Variants in PCDH9 observed in about 807,000 individuals in gnomAD.
PCDH9 encodes protocadherin 9.
A neutral mutation model predicts 70.6 loss-of-function variants in PCDH9; 24 were observed. That is an observed-to-expected ratio of 0.34 (90% CI 0.25 to 0.48). The LOEUF (loss-of-function observed/expected upper bound fraction) is 0.48. Among genes scored for constraint, PCDH9 ranks in the 20% least tolerant of loss-of-function variants. The pLI is 0.99. For synonymous variants in PCDH9, 562 were observed against 558.5 expected, an observed-to-expected ratio of 1.01 and a Z score of -0.09; for missense variants, 1,281 against 1,503.6, an observed-to-expected ratio of 0.85 and a Z score of 2.45.
intron 4 of PCDH9, among the ~76,000 whole-genome samples, chr13:66,611,152 GGAAATTAAT>G (rs1342572744): frequency 6.6e-6 from 1 of 152,016 alleles, no homozygotes; most frequent in Non-Finnish European, 1.5e-5. Flanking sequence ...CTGAACTTTA[GGAAATTAAT>G]GCTTTAATTC....
At chr13:67,180,403 C>G (rs1481377270) in intron 2 of PCDH9, among the ~76,000 whole-genome samples, 1 of 151,962 alleles carries the variant, frequency 6.6e-6, no homozygotes, top group Non-Finnish European at 1.5e-5. Context: ...ATCTCCAAAT[C>G]TGCCAGTGAA....
At chr13:66,954,954 A>G (rs1367713911) in intron 2 of PCDH9, among the ~76,000 whole-genome samples, 6 of 152,092 alleles carry the variant, frequency 3.9e-5, no homozygotes, top group Non-Finnish European at 7.4e-5. Flanking sequence ...TAGTAGAGAC[A>G]GGGTTTCACT....
chr13:66,674,461 A>T (rs2078216910), intron 3 of PCDH9, among the ~76,000 whole-genome samples: 1 of 152,090 alleles, frequency 6.6e-6, no homozygotes. Flanking sequence ...CAAATAGGAG[A>T]GTTTAAAACT....
rs544186331 is a variant in PCDH9, at chr13:67,108,024, C to G, written c.3036+117381G>C. On this transcript the variant is annotated intron_variant, in intron 2 of 4. Coordinates refer to ENST00000377865, the MANE Select transcript of PCDH9 (RefSeq NM_203487.3). ...CACAGAGCCAGCACCTGTGCCAGCACCTGGAGCTGCCCGTCCTGCCACAGC... is the reference window on the plus strand; with the variant it reads ...CACAGAGCCAGCACCTGTGCCAGCAGCTGGAGCTGCCCGTCCTGCCACAGC... Among the ~76,000 whole-genome samples, 9 of 152,332 alleles carry G rather than the reference C, an allele frequency of 5.9e-5. No individual in the cohort carries two copies. The South Asian group carries it at 1.0e-3, about 18-fold the overall frequency.
chr13:66,472,477 G>A (rs61957635), intron 4 of PCDH9, among the ~76,000 whole-genome samples: 288 of 151,814 alleles, frequency 1.9e-3, no homozygotes, highest in Non-Finnish European at 3.5e-3. Flanking sequence ...GCTGAGGAGG[G>A]AGGATCACTT....
At chr13:67,143,703 GA>G (rs781473887) in intron 2 of PCDH9, among the ~76,000 whole-genome samples, 7 of 152,122 alleles carry the variant, frequency 4.6e-5, no homozygotes, top group Admixed American at 6.6e-5. Context: ...AGAAAGAAAG[GA>G]AGGGAACACT....
chr13:66,878,209 TTA>T (rs1243140394), intron 3 of PCDH9, among the ~76,000 whole-genome samples: 1 of 151,588 alleles, frequency 6.6e-6, no homozygotes, highest in African/African-American at 2.4e-5. Context: ...TTTATTATTA[TTA>T]TTTTATTTTT....
chr13:67,153,557 C>A (rs1479118085), intron 2 of PCDH9, among the ~76,000 whole-genome samples: 1 of 152,158 alleles, frequency 6.6e-6, no homozygotes, highest in Non-Finnish European at 1.5e-5. Flanking sequence ...AGATTATGAG[C>A]CTCTCACCTA....
chr13:67,193,879 T>A (rs1270933376), intron 2 of PCDH9, among the ~76,000 whole-genome samples: 1 of 152,130 alleles, frequency 6.6e-6, no homozygotes, highest in Non-Finnish European at 1.5e-5. Context: ...TCCTGTTAAG[T>A]CAGATTTTAT....
chr13:67,149,122 A>G (rs986760567), intron 2 of PCDH9, among the ~76,000 whole-genome samples: 7 of 152,218 alleles, frequency 4.6e-5, no homozygotes, highest in Admixed American at 6.5e-5. Context: ...CTACATGCCA[A>G]TGATATTGTA....
At chr13:66,527,846 C>G (rs569032396) in intron 4 of PCDH9, among the ~76,000 whole-genome samples, 2 of 152,110 alleles carry the variant, frequency 1.3e-5, no homozygotes, top group Middle Eastern at 3.4e-3. Context: ...GGCAAAATCC[C>G]GTCTCTACTA....
chr13:66,810,318 C>A (rs371752712), intron 3 of PCDH9, among the ~76,000 whole-genome samples: 1 of 151,764 alleles, frequency 6.6e-6, no homozygotes, highest in African/African-American at 2.4e-5. Context: ...TAATAATTGG[C>A]TAATCAAAAG....
At chr13:67,105,127 T>G (rs887088935) in intron 2 of PCDH9, among the ~76,000 whole-genome samples, 3 of 152,144 alleles carry the variant, frequency 2.0e-5, no homozygotes, top group African/African-American at 7.2e-5. Flanking sequence ...TTATTCAGTA[T>G]TCTATGTCTC....
At chr13:66,721,501 C>T (rs2078940995) in intron 3 of PCDH9, among the ~76,000 whole-genome samples, 1 of 152,010 alleles carries the variant, frequency 6.6e-6, no homozygotes, top group South Asian at 2.1e-4. Flanking sequence ...ATTATAAAAG[C>T]TTTCTGAGTA....
chr13:67,215,172 A>G (rs2089572960), intron 2 of PCDH9: 1 of 151,376 alleles, frequency 6.6e-6, no homozygotes, highest in African/African-American at 2.4e-5. Context: ...AAAAAGAATT[A>G]AATAGGCCAA....
chr13:66,398,278 G>T (rs1957137499), intron 4 of PCDH9, among the ~76,000 whole-genome samples: 1 of 151,864 alleles, frequency 6.6e-6, no homozygotes, highest in Non-Finnish European at 1.5e-5. Flanking sequence ...GAATTTTTTG[G>T]GTTGACATTT....
intron 3 of PCDH9, among the ~76,000 whole-genome samples, chr13:66,727,260 C>CA (rs901851263): frequency 5.9e-5 from 9 of 151,386 alleles, no homozygotes; most frequent in African/African-American, 1.9e-4. Context: ...GCTCCTGTCT[C>CA]AAAAAAGGTA....
chr13:67,154,575 C>G (rs1368996452), intron 2 of PCDH9, among the ~76,000 whole-genome samples: 1 of 37,272 alleles, frequency 2.7e-5, no homozygotes, highest in Non-Finnish European at 4.8e-5. Flanking sequence ...GACCCTGTCT[C>G]AAAAAAAAAA....
chr13:66,553,942 T>C (rs1022921759), intron 4 of PCDH9, among the ~76,000 whole-genome samples: 5 of 152,208 alleles, frequency 3.3e-5, no homozygotes, highest in Non-Finnish European at 7.3e-5. Flanking sequence ...AGAGTTCATA[T>C]GGCTTTGTGG....
Sources: gnomAD v4.1 joint callset for allele counts (sites outside exome capture counted in the v4.1 genomes callset) on GRCh38, gnomAD v4.1.1 for gene constraint, MANE v1.5 for transcripts, NCBI Gene and HGNC (gene_info 2026-07-23, HGNC 2026-07-21) for gene names.